SYMPK: variants seen among roughly 807,000 people sequenced by gnomAD.
The protein encoded by SYMPK is symplekin.
Under a neutral mutation model 136.4 loss-of-function variants are expected in SYMPK, and 49 were observed. That is an observed-to-expected ratio of 0.36 (90% CI 0.29 to 0.46). The LOEUF is 0.46. Among genes scored for constraint, SYMPK ranks in the 20% least tolerant of loss-of-function variants. The probability of loss-of-function intolerance (pLI) is 1.00; values close to 1 mark genes in which losing one functional copy is unlikely to be tolerated. For missense variants in SYMPK, 1,365 were observed against 1,690.0 expected, an observed-to-expected ratio of 0.81 and a Z score of 3.37; for synonymous variants, 766 against 713.0, an observed-to-expected ratio of 1.07 and a Z score of -1.19.
At chr19:45,848,071 C>T in intron 6 of SYMPK, 70 bp from the exon 7 acceptor site, 1 of 1,500,910 alleles carries the variant, frequency 6.7e-7, no homozygotes, top group Non-Finnish European at 9.0e-7. Context: ...ATCACCAACA[C>T]CCTCTGCCAA....
chr19:45,823,903 C>A (rs765743009), intron 18 of SYMPK, 28 bp from the exon 19 acceptor site: 2 of 1,597,608 alleles, frequency 1.3e-6, no homozygotes, highest in Non-Finnish European at 1.7e-6. Context: ...GATGACCAGA[C>A]CCAGGGTGAG....
chr19:45,837,182 T>C (rs181924484), intron 10 of SYMPK, among the ~76,000 whole-genome samples: 17 of 152,276 alleles, frequency 1.1e-4, no homozygotes, highest in Admixed American at 9.2e-4. Context: ...TTTTGCAAGA[T>C]TGGACATAGT....
chr19:45,815,564 C>T lies in SYMPK; in HGVS notation c.3821G>A (p.Ser1274Asn). ...CCCTTTCCCCCTCGAGCCCCGTCAG[C>T]TGTTCCCCTTGGCCTCGGGTTCCCT... The part of the protein sequence containing the change: ...DAREPEAKGN[S>N] The change falls in exon 27 of 27, where the codon AGC becomes AAC. Residue 1274 changes from serine to asparagine, a missense_variant. Ser to Asn is a conservative substitution (Grantham distance 46). Around this residue, in one of 11 missense-constraint regions of SYMPK, gnomAD observed 341 missense variants for 270.5 expected, o/e 1.26. Transcript: ENST00000245934. The T allele has an allele frequency of 6.3e-7, 1 of 1,586,734 alleles. No individual in the cohort carries two copies. Among genetic ancestry groups the T allele is most frequent in the Non-Finnish European group, 8.6e-7 (1 of 1,169,004 alleles).
intron 7 of SYMPK, among the ~76,000 whole-genome samples, chr19:45,845,519 T>C (rs1372528679): frequency 6.6e-6 from 1 of 152,178 alleles, no homozygotes; most frequent in South Asian, 2.1e-4. Flanking sequence ...TTGTTGCAAA[T>C]GACAGGATCT....
intron 11 of SYMPK, among the ~76,000 whole-genome samples, chr19:45,832,940 A>T (rs1377722690): frequency 6.6e-6 from 1 of 150,476 alleles, no homozygotes; most frequent in East Asian, 2.0e-4. Context: ...AATCACTTGA[A>T]CCCAGGAGGC....
At chr19:45,851,238 G>A (rs993485791) in intron 5 of SYMPK, among the ~76,000 whole-genome samples, 1 of 152,162 alleles carries the variant, frequency 6.6e-6, no homozygotes, top group African/African-American at 2.4e-5. Context: ...GCCCTGGAAC[G>A]AGATTGTGAA....
chr19:45,858,985 C>A (rs1971897075), intron 1 of SYMPK, among the ~76,000 whole-genome samples: 1 of 152,134 alleles, frequency 6.6e-6, no homozygotes, highest in South Asian at 2.1e-4. Context: ...GTTGCCCAGG[C>A]TGGTCTTGAA....
intron 23 of SYMPK, among the ~76,000 whole-genome samples, chr19:45,817,417 C>CTCTTT (rs1568605965): frequency 9.2e-6 from 1 of 108,480 alleles, no homozygotes; most frequent in Admixed American, 9.2e-5. Flanking sequence ...TTTTTGTTCT[C>CTCTTT]TTTTTTTTTT....
intron 1 of SYMPK, among the ~76,000 whole-genome samples, chr19:45,858,587 C>T (rs759300711): frequency 9.9e-5 from 15 of 152,140 alleles, no homozygotes; most frequent in Non-Finnish European, 1.9e-4. Context: ...GTGATCTCAG[C>T]TCACAGCAAC....
intron 9 of SYMPK, among the ~76,000 whole-genome samples, chr19:45,839,817 G>A (rs1162372975): frequency 6.6e-6 from 1 of 151,558 alleles, no homozygotes; most frequent in African/African-American, 2.4e-5. Flanking sequence ...GGGCAACAGA[G>A]CGAGACTCTG....
intron 1 of SYMPK, among the ~76,000 whole-genome samples, chr19:45,857,856 T>G (rs1013794735): frequency 6.7e-6 from 1 of 148,644 alleles, no homozygotes; most frequent in East Asian, 2.0e-4. Flanking sequence ...TGGAGTGTAA[T>G]GGCACAATCT....
chr19:45,827,644 C>T lies in SYMPK; in HGVS notation c.2068-21G>A, dbSNP rs1399312728. ...CGACTCTGCAGCAAAAGGAAAGGGACCCGAGCTCAGCCCACCTGAGTGTGC... is the reference window on the plus strand; with the variant it reads ...CGACTCTGCAGCAAAAGGAAAGGGATCCGAGCTCAGCCCACCTGAGTGTGC... On this transcript the variant is annotated intron_variant, in intron 15 of 26. Coordinates refer to ENST00000245934, the MANE Select transcript of SYMPK (RefSeq NM_004819.3). 3 of 1,604,694 alleles carry T rather than the reference C, an allele frequency of 1.9e-6. No homozygotes were observed. The African/African-American group carries it at 4.0e-5, about 21-fold the overall frequency.
Position 45,823,773 on chromosome 19 carries a change from CTG to C in SYMPK, c.2591_2592del (p.Thr864ArgfsTer45). The C allele has an allele frequency of 1.2e-6, 2 of 1,613,888 alleles. No homozygotes were observed. The highest frequency in any genetic ancestry group is 1.7e-6 in the Non-Finnish European group (2 of 1,179,832). On this transcript the variant is annotated frameshift_variant, in exon 19 of 27. Transcript: ENST00000245934. LOFTEE classifies it high-confidence loss of function. ...TGGGGGTCTCCAGGGTCACCTTTGT[CTG>C]TGAGGCTGTGCAGACATCTCGTGAC... ...TLVTRCLHSL[T>X]DKVPPSPELV...
rs372744194 is a variant in SYMPK, at chr19:45,825,347, C to T, written c.2330-16G>A. ...GCTGCCACCTCTGACAGGGCAGGAG[C>T]GGGCATCAGATTGGCCCACACTCTT... On this transcript the variant is annotated splice_polypyrimidine_tract_variant and intron_variant, in intron 17 of 26. Transcript: ENST00000245934. 3.7e-5 allele frequency: 59 copies of T among 1,610,864 alleles called. No individual in the cohort carries two copies. The highest frequency in any genetic ancestry group is 4.2e-5 in the Non-Finnish European group (50 of 1,178,412).
In SYMPK at chr19:45,821,524, G is replaced by C; in HGVS notation, c.2792-39C>G. 1.4e-6 allele frequency: 2 copies of C among 1,411,662 alleles called. No individual in the cohort carries two copies. The highest frequency in any genetic ancestry group is 2.0e-6 in the Non-Finnish European group (2 of 1,001,684). 87.4% of individuals were successfully genotyped at this position (1,411,662 alleles called of 1,614,324 possible). A position where few individuals can be genotyped will look rare whatever the true frequency, so the allele number is the denominator to read the frequency against. On this transcript the variant is annotated intron_variant, in intron 21 of 26. Coordinates refer to ENST00000245934, the MANE Select transcript of SYMPK (RefSeq NM_004819.3). The surrounding 1 kb of genome is among the most constrained non-coding windows in gnomAD (Gnocchi z 4.4). ...GAGGAAGGGTGGGGGAAGACAGTGCGGACGCATAAGTGAAGAGATGGGTCT... is the reference window on the plus strand; with the variant it reads ...GAGGAAGGGTGGGGGAAGACAGTGCCGACGCATAAGTGAAGAGATGGGTCT...
intron 9 of SYMPK, among the ~76,000 whole-genome samples, 160 bp from the exon 10 acceptor site, chr19:45,838,775 C>A (rs1391854345): frequency 6.6e-6 from 1 of 152,224 alleles, no homozygotes; most frequent in Non-Finnish European, 1.5e-5. Flanking sequence ...TGGTGCCAAA[C>A]CACTTTATGA....
chr19:45,823,325 C>A, intron 20 of SYMPK, 47 bp downstream of exon 20: 1 of 1,584,418 alleles, frequency 6.3e-7, no homozygotes, highest in South Asian at 1.1e-5. Context: ...CCCTCCCAGT[C>A]CCACATGTCC....
Position 45,821,672 on chromosome 19 carries a change from A to G in SYMPK, c.2792-187T>C, listed in dbSNP as rs911844260. 6.6e-6 allele frequency among the ~76,000 whole-genome samples: 1 copy of G among 152,208 alleles called. No homozygotes were observed. The highest frequency in any genetic ancestry group is 1.5e-5 in the Non-Finnish European group (1 of 68,038). On this transcript the variant is annotated intron_variant, in intron 21 of 26. Transcript: ENST00000245934. The surrounding 1 kb of genome is among the most constrained non-coding windows in gnomAD (Gnocchi z 4.4). ...CCGAAGGCAGCAGCAGCCCTCAGGC[A>G]GCGTGAGGTTGCCACTGTGTGCTCC... is the stretch of plus-strand genomic sequence containing the variant.
At chr19:45,825,367 A>T (rs775597501) in intron 17 of SYMPK, 36 bp from the exon 18 acceptor site, 19 of 1,601,856 alleles carry the variant, frequency 1.2e-5, no homozygotes, top group Admixed American at 3.4e-5. Flanking sequence ...ATTGGCCCAC[A>T]CTCTTCTCCA....
Sources: gnomAD v4.1 joint callset for allele counts (sites outside exome capture counted in the v4.1 genomes callset) on GRCh38, gnomAD v4.1.1 for gene constraint, gnomAD v4.1.1 regional missense constraint, Gnocchi (gnomAD v3.1) non-coding constraint, MANE v1.5 for transcripts, NCBI Gene and HGNC (gene_info 2026-07-23, HGNC 2026-07-21) for gene names.